Variants in ALG13 observed in about 807,000 individuals in gnomAD.
ALG13 encodes UDP-N-acetylglucosamine transferase subunit ALG13.
In ALG13, 11 loss-of-function variants were observed where a neutral mutation model predicts 87.8. That is an observed-to-expected ratio of 0.13 (90% CI 0.08 to 0.21). The LOEUF (loss-of-function observed/expected upper bound fraction) is 0.21. Among genes scored for constraint, ALG13 ranks in the 10% least tolerant of loss-of-function variants. The probability of loss-of-function intolerance (pLI) is 1.00; values close to 1 mark genes in which losing one functional copy is unlikely to be tolerated. For synonymous variants in ALG13, 320 were observed against 306.3 expected (o/e 1.04, Z -0.47); for missense variants, 756 against 866.1 (o/e 0.87, Z 1.60).
chrX:111,715,339 C>G (rs1940419528), intron 8 of ALG13, among the ~76,000 whole-genome samples: 3 of 111,908 alleles, frequency 2.7e-5, no homozygotes, highest in African/African-American at 9.7e-5. Context: ...AAGCCAGGTG[C>G]TTTTATTTTG....
intron 8 of ALG13, 83 bp from the exon 9 acceptor site, chrX:111,717,763 C>CGA: frequency 1.5e-6 from 1 of 657,688 alleles, no homozygotes; most frequent in Non-Finnish European, 2.2e-6. Context: ...ACTACTGACT[C>CGA]AATTTCAAGT....
intron 8 of ALG13, among the ~76,000 whole-genome samples, chrX:111,715,964 C>T (rs1157740054): frequency 9.0e-6 from 1 of 111,574 alleles, no homozygotes; most frequent in African/African-American, 3.3e-5. Flanking sequence ...TACATACTTA[C>T]ATTAAAAAGA....
chrX:111,750,664 T>C (rs1362841788), intron 24 of ALG13, among the ~76,000 whole-genome samples: 21 of 109,164 alleles, frequency 1.9e-4, no homozygotes, highest in Non-Finnish European at 3.6e-4. Flanking sequence ...TACTTATTTA[T>C]TTATTTATTT....
At chrX:111,696,438 C>G (rs1164739371) in intron 3 of ALG13, among the ~76,000 whole-genome samples, 4 of 111,594 alleles carry the variant, frequency 3.6e-5, no homozygotes, top group Non-Finnish European at 5.7e-5. Flanking sequence ...TCATAACATT[C>G]TTTTCATGAT....
At chrX:111,681,493 G>C in intron 1 of ALG13, 194 bp downstream of exon 1, 9 of 1,038,437 alleles carry the variant, frequency 8.7e-6, no homozygotes, top group Non-Finnish European at 1.1e-5. Flanking sequence ...CCGGCCACTC[G>C]GGGTTGCCTG....
intron 3 of ALG13, among the ~76,000 whole-genome samples, chrX:111,696,651 T>C (rs1032386330): frequency 7.2e-5 from 8 of 111,881 alleles, no homozygotes; most frequent in African/African-American, 2.6e-4. Flanking sequence ...TGTTTATCAG[T>C]GAAGAAATAA....
chrX:111,717,083 C>T (rs1940718301), intron 8 of ALG13: 1 of 110,710 alleles, frequency 9.0e-6, no homozygotes, highest in African/African-American at 3.3e-5. Context: ...ACTATAGGCA[C>T]ACACCATCCC....
At chrX:111,702,557 A>G (rs1938065074) in intron 3 of ALG13, among the ~76,000 whole-genome samples, 1 of 111,724 alleles carries the variant, frequency 9.0e-6, no homozygotes, top group Non-Finnish European at 1.9e-5. Context: ...ATATTCAAAC[A>G]CATCGGGTTA....
intron 23 of ALG13, chrX:111,743,925 A>G (rs1943985634): frequency 9.0e-6 from 1 of 111,200 alleles, no homozygotes; most frequent in Admixed American, 9.6e-5. Context: ...AAAATTAACA[A>G]ATTTGCGTGT....
At chrX:111,681,837 A>C in intron 1 of ALG13, 1 of 874,575 alleles carries the variant, frequency 1.1e-6, no homozygotes, top group East Asian at 6.2e-5. Context: ...GTGAGGCAGA[A>C]CGGGTAGTGC....
intron 3 of ALG13, chrX:111,688,280 A>G (rs1935464884): frequency 1.3e-6 from 1 of 749,757 alleles, no homozygotes; most frequent in African/African-American, 2.3e-5. Flanking sequence ...GAATCATAAA[A>G]ATGAATGAGA....
chrX:111,690,133 T>C (rs921166041), intron 3 of ALG13: 3 of 751,720 alleles, frequency 4.0e-6, no homozygotes, highest in Non-Finnish European at 3.1e-6. Flanking sequence ...ATCACCACAT[T>C]TACATCTTAT....
chrX:111,741,702 A>C (rs1489981828), intron 23 of ALG13, among the ~76,000 whole-genome samples: 4 of 109,257 alleles, frequency 3.7e-5, no homozygotes, highest in Admixed American at 9.9e-5. Flanking sequence ...AATCCCAGCT[A>C]CTCTGGAGGC....
chrX:111,751,377 C>T (rs1335724358), intron 24 of ALG13, among the ~76,000 whole-genome samples: 4 of 112,126 alleles, frequency 3.6e-5, no homozygotes, highest in South Asian at 3.7e-4. Flanking sequence ...ATAAGCATAA[C>T]GCCCAGTACA....
At chrX:111,750,746 C>T (rs1944655570) in intron 24 of ALG13, among the ~76,000 whole-genome samples, 2 of 110,283 alleles carry the variant, frequency 1.8e-5, no homozygotes, top group African/African-American at 6.6e-5. Context: ...TGGCTCACTA[C>T]AACCTCTGCC....
rs1326546043 is a variant in ALG13, at chrX:111,736,807, A to G, written c.2623A>G (p.Ser875Gly). 8.3e-7 allele frequency: 1 copy of G among 1,210,423 alleles called. No individual in the cohort carries two copies. ...SNGAAANQAISTTSVSSQNAI... is the reference protein window; with the variant it reads ...SNGAAANQAIGTTSVSSQNAI... ...CGGTGCAGCGGCTAATCAAGCTATT[A>G]GTACCACTTCAGTTTCCTCACAGAA... The change falls in exon 23 of 27, where the codon AGT becomes GGT. Residue 875 changes from serine (S) to glycine (G), a missense_variant. Coordinates refer to ENST00000394780, the MANE Select transcript of ALG13 (RefSeq NM_001099922.3).
intron 21 of ALG13, among the ~76,000 whole-genome samples, chrX:111,731,204 A>G (rs1234952696): frequency 1.8e-5 from 2 of 112,040 alleles, no homozygotes; most frequent in Non-Finnish European, 3.8e-5. Flanking sequence ...AGTGTAATCA[A>G]ACTCAAAGCC....
intron 24 of ALG13, among the ~76,000 whole-genome samples, chrX:111,752,121 G>A (rs1944810081): frequency 9.0e-6 from 1 of 111,404 alleles, no homozygotes; most frequent in Non-Finnish European, 1.9e-5. Context: ...AGTAACTGAG[G>A]ACCAAAATGA....
At chrX:111,686,969 T>C (rs899101540) in intron 3 of ALG13, among the ~76,000 whole-genome samples, 30 of 112,310 alleles carry the variant, frequency 2.7e-4, no homozygotes, top group African/African-American at 9.4e-4. Flanking sequence ...TTTCTTTTCT[T>C]TTTTTGAGAC....
Sources: allele counts gnomAD v4.1 joint callset (sites outside exome capture counted in the v4.1 genomes callset), GRCh38; gene constraint gnomAD v4.1.1; transcripts MANE v1.5; gene names NCBI Gene and HGNC (gene_info 2026-07-23, HGNC 2026-07-21).